The following CNTNAP3B variants were observed in gnomAD, a reference collection of about 807,000 sequenced individuals.
CNTNAP3B encodes contactin associated protein family member 3B.
In CNTNAP3B, 25 loss-of-function variants were observed where a neutral mutation model predicts 108.9. The observed-to-expected ratio is 0.23, with a 90% CI of 0.17 to 0.32. The LOEUF (loss-of-function observed/expected upper bound fraction) is 0.32, where lower values mean the gene tolerates loss of function less well. Among genes scored for constraint, CNTNAP3B ranks in the 10% least tolerant of loss-of-function variants. The probability of loss-of-function intolerance (pLI) is 1.00; values close to 1 mark genes in which losing one functional copy is unlikely to be tolerated. For synonymous variants in CNTNAP3B, 103 were observed against 473.4 expected (o/e 0.22, Z 10.16); for missense variants, 252 against 1,210.4 (o/e 0.21, Z 11.75).
At chr9:42,038,616 C>A (rs1231167730) in intron 3 of CNTNAP3B, among the ~76,000 whole-genome samples, 1 of 118,524 alleles carries the variant, frequency 8.4e-6, no homozygotes, top group Non-Finnish European at 1.7e-5. Context: ...ACAGGAGCAC[C>A]CAGATTCATA....
intron 1 of CNTNAP3B, among the ~76,000 whole-genome samples, chr9:42,125,350 T>C (rs1163546950): frequency 7.1e-6 from 1 of 141,248 alleles, no homozygotes; most frequent in Non-Finnish European, 1.5e-5. Flanking sequence ...GTCTCCTGTC[T>C]CTCCAGGTCC....
At chr9:42,121,213 C>T (rs1245176887) in intron 1 of CNTNAP3B, among the ~76,000 whole-genome samples, 1 of 138,432 alleles carries the variant, frequency 7.2e-6, no homozygotes, top group Non-Finnish European at 1.5e-5. Context: ...TTCCTGAGAG[C>T]TTCCCAGGGA....
At chr9:41,973,290 A>C (rs1825460518) in intron 9 of CNTNAP3B, among the ~76,000 whole-genome samples, 1 of 140,920 alleles carries the variant, frequency 7.1e-6, no homozygotes, top group African/African-American at 2.6e-5. Flanking sequence ...TCTGTTAGAA[A>C]AAAAAAAACT....
At chr9:41,949,681 G>C (rs1186559145) in intron 13 of CNTNAP3B, among the ~76,000 whole-genome samples, 1 of 151,986 alleles carries the variant, frequency 6.6e-6, no homozygotes, top group Admixed American at 6.6e-5. Context: ...TAGTCAGAGA[G>C]AGTGAGAGAG....
chr9:41,966,549 C>T (rs1435638460), intron 10 of CNTNAP3B, among the ~76,000 whole-genome samples: 7 of 152,140 alleles, frequency 4.6e-5, no homozygotes, highest in African/African-American at 1.2e-4. Context: ...GTGACAGAGG[C>T]CTCCCTGCTC....
chr9:41,997,502 C>A (rs1334696225), intron 6 of CNTNAP3B, 66 bp downstream of exon 6: 1 of 1,480,662 alleles, frequency 6.8e-7, no homozygotes, highest in East Asian at 2.5e-5. Flanking sequence ...TATAAAATGG[C>A]ATTTCTCTAT....
intron 14 of CNTNAP3B, among the ~76,000 whole-genome samples, chr9:41,934,122 T>TATATATACACAC (rs1214326050): frequency 9.5e-5 from 7 of 73,462 alleles, no homozygotes; most frequent in South Asian, 4.0e-4. Context: ...TATATATATA[T>TATATATACACAC]ACACACACAT....
chr9:42,112,765 TAAC>T (rs1325668646), intron 1 of CNTNAP3B, among the ~76,000 whole-genome samples: 1 of 136,458 alleles, frequency 7.3e-6, no homozygotes, highest in East Asian at 2.2e-4. Context: ...TATAAAGTTA[TAAC>T]AACAGTATAC....
intron 3 of CNTNAP3B, among the ~76,000 whole-genome samples, chr9:42,042,707 A>C (rs74316771): frequency 0.99 from 74,043 of 74,988 alleles, 36,641 homozygotes; most frequent in Middle Eastern, 1. Context: ...ACGTTGGTAT[A>C]TTTGGGGGTG....
chr9:41,968,292 G>A (rs1295352788), intron 10 of CNTNAP3B, among the ~76,000 whole-genome samples: 2 of 143,258 alleles, frequency 1.4e-5, no homozygotes, highest in South Asian at 4.4e-4. Context: ...GGGCCCATGG[G>A]ACATTACCCC....
rs1162874729 is a variant in CNTNAP3B, at chr9:42,014,505, C to T, written c.391-980G>A. Among the ~76,000 whole-genome samples the T allele has an allele frequency of 2.7e-5, 3 of 112,914 alleles. 1 individual carries two copies. The highest frequency in any genetic ancestry group is 1.0e-4 in the African/African-American group (3 of 28,862). The allele number at this position is 112,914 out of a possible 152,430, so 74.1% of individuals were successfully genotyped here. A position where few individuals can be genotyped will look rare whatever the true frequency, so the allele number is the denominator to read the frequency against. On this transcript the variant is annotated intron_variant, in intron 3 of 23. Transcript: ENST00000377561. ...TTGCTGTACTAAAGAATGTACCAGG[C>T]TTAGGGCCAGCGCGTTGGCTCACGC...
In CNTNAP3B at chr9:42,090,798, A is replaced by G. The variant is rs1827805957; in HGVS notation, c.197-13736T>C. On this transcript the variant is annotated intron_variant, in intron 2 of 23. Transcript: ENST00000377561. The stretch of plus-strand genomic sequence containing the variant: ...TATGTACTGACATATATATACACAC[A>G]CTCACACTGACCGTATATATGTATA... Among the ~76,000 whole-genome samples the G allele has an allele frequency of 2.3e-5, 2 of 86,454 alleles. 1 individual carries two copies. The highest frequency in any genetic ancestry group is 4.7e-5 in the Non-Finnish European group (2 of 42,218). 56.7% of individuals were successfully genotyped at this position (86,454 alleles called of 152,430 possible).
intron 2 of CNTNAP3B, among the ~76,000 whole-genome samples, chr9:42,082,824 G>A (rs1587257376): frequency 7.1e-6 from 1 of 141,000 alleles, no homozygotes; most frequent in Non-Finnish European, 1.5e-5. Context: ...GTAGATGTTA[G>A]ACTTAAAATT....
Position 41,919,666 on chromosome 9 carries a change from A to G in CNTNAP3B, c.2995+404T>C, listed in dbSNP as rs1300194691. On this transcript the variant is annotated intron_variant, in intron 18 of 23. Coordinates refer to ENST00000377561, the MANE Select transcript of CNTNAP3B (RefSeq NM_001201380.3). ...ATGGGTAAGACGATTGCTCAAGCCT[A>G]GGAGTTCAAGTCCGGCCTGGGCAAC... Among the ~76,000 whole-genome samples, 22 of 152,260 alleles carry G rather than the reference A, an allele frequency of 1.4e-4. No homozygotes were observed. The South Asian group carries it at 4.4e-3, about 30-fold the overall frequency.
chr9:41,924,652 CA>C (rs1823760579), intron 15 of CNTNAP3B, among the ~76,000 whole-genome samples: 1 of 16,908 alleles, frequency 5.9e-5, no homozygotes, highest in African/African-American at 1.2e-4. Flanking sequence ...CCTGCACACA[CA>C]CACACACACA....
intron 12 of CNTNAP3B, among the ~76,000 whole-genome samples, chr9:41,959,794 T>C (rs1169051496): frequency 6.6e-6 from 1 of 152,310 alleles, no homozygotes; most frequent in African/African-American, 2.4e-5. Flanking sequence ...TGATGCTTGC[T>C]GACCCATTTG....
chr9:42,122,613 T>G (rs2118748729), intron 1 of CNTNAP3B, among the ~76,000 whole-genome samples: 1 of 137,570 alleles, frequency 7.3e-6, no homozygotes, highest in Non-Finnish European at 1.6e-5. Context: ...ACCAATCTTC[T>G]TACAATAAAT....
rs1191347601 is a variant in CNTNAP3B at position 42,126,821 on chromosome 9, C to T, written c.85+2189G>A. ...CTGACCTCAGGTGATCCACCCACCTCGGCCTCCCAAAGTGCTGGGATTACA... is the reference window on the plus strand; with the variant it reads ...CTGACCTCAGGTGATCCACCCACCTTGGCCTCCCAAAGTGCTGGGATTACA... On this transcript the variant is annotated intron_variant, in intron 1 of 23. Coordinates refer to ENST00000377561, the MANE Select transcript of CNTNAP3B (RefSeq NM_001201380.3). Among the ~76,000 whole-genome samples the T allele has an allele frequency of 2.2e-5, 3 of 138,424 alleles. 1 individual carries two copies. 90.8% of individuals were successfully genotyped at this position (138,424 alleles called of 152,430 possible). A position where few individuals can be genotyped will look rare whatever the true frequency, so the allele number is the denominator to read the frequency against.
chr9:41,922,380 C>T lies in CNTNAP3B; in HGVS notation c.2755+297G>A, dbSNP rs541682081. Among the ~76,000 whole-genome samples, 109 of 139,278 alleles carry T rather than the reference C, an allele frequency of 7.8e-4. 2 individuals carry two copies. Among genetic ancestry groups the T allele is most frequent in the Middle Eastern group, 7.0e-3 (2 of 286 alleles). 91.4% of individuals were successfully genotyped at this position (139,278 alleles called of 152,430 possible). Reference sequence around the variant, plus strand: ...ACTCAGGAGGCTGAGGCAGGAGAATCGCTTGAACCCGGCAGGTGGAGGTTT... The same window carrying T: ...ACTCAGGAGGCTGAGGCAGGAGAATTGCTTGAACCCGGCAGGTGGAGGTTT... On this transcript the variant is annotated intron_variant, in intron 17 of 23. Coordinates refer to ENST00000377561, the MANE Select transcript of CNTNAP3B (RefSeq NM_001201380.3).
Sources: allele counts gnomAD v4.1 joint callset (sites outside exome capture counted in the v4.1 genomes callset), GRCh38; gene constraint gnomAD v4.1.1; transcripts MANE v1.5; gene names NCBI Gene and HGNC (gene_info 2026-07-23, HGNC 2026-07-21).